The following KCNT2 variants were observed in gnomAD, a reference collection of about 807,000 sequenced individuals.
KCNT2 encodes potassium sodium-activated channel subfamily T member 2, also known as potassium channel subfamily T member 2.
In KCNT2, 67 loss-of-function variants were observed where a neutral mutation model predicts 153.8. That is an observed-to-expected ratio of 0.44 (90% CI 0.36 to 0.53). The LOEUF (loss-of-function observed/expected upper bound fraction) is 0.53. Among genes scored for constraint, KCNT2 ranks in the 20% least tolerant of loss-of-function variants. The pLI is 0.00. For synonymous variants in KCNT2, 500 were observed against 458.8 expected (o/e 1.09, Z -1.15); for missense variants, 975 against 1,354.8 (o/e 0.72, Z 4.40).
intron 8 of KCNT2, among the ~76,000 whole-genome samples, chr1:196,439,299 A>C (rs1375237959): frequency 6.6e-6 from 1 of 152,000 alleles, no homozygotes; most frequent in Non-Finnish European, 1.5e-5. Flanking sequence ...TGTTTAAATT[A>C]TGAATACTAT....
chr1:196,373,007 T>C (rs1668661680), intron 14 of KCNT2, 133 bp downstream of exon 14: 1 of 528,806 alleles, frequency 1.9e-6, no homozygotes, highest in South Asian at 3.0e-5. Flanking sequence ...CAGATAAAGA[T>C]AACTCACACA....
At chr1:196,452,082 G>T (rs973377126) in intron 8 of KCNT2, among the ~76,000 whole-genome samples, 2 of 151,924 alleles carry the variant, frequency 1.3e-5, no homozygotes, top group Non-Finnish European at 1.5e-5. Context: ...AGACTTAAGA[G>T]ATCCCTCTAT....
At chr1:196,515,207 G>A (rs1040060902) in intron 1 of KCNT2, among the ~76,000 whole-genome samples, 1 of 152,256 alleles carries the variant, frequency 6.6e-6, no homozygotes, top group Non-Finnish European at 1.5e-5. Context: ...ATGGTTATGG[G>A]AATAACTACA....
At chr1:196,535,858 T>C (rs1390823419) in intron 1 of KCNT2, among the ~76,000 whole-genome samples, 1 of 152,260 alleles carries the variant, frequency 6.6e-6, no homozygotes, top group Non-Finnish European at 1.5e-5. Flanking sequence ...TCATCTAATG[T>C]GCCACACATG....
chr1:196,503,202 C>T lies in KCNT2; in HGVS notation c.96-10861G>A, dbSNP rs576253904. On this transcript the variant is annotated intron_variant, in intron 1 of 27. Coordinates refer to ENST00000294725, the MANE Select transcript of KCNT2 (RefSeq NM_198503.5). ...AGAGCAGATGCTCCTAAATTATTTC[C>T]ACGTTTTTCTTCTTACCCCACCTCC... is the stretch of plus-strand genomic sequence containing the variant. Among the ~76,000 whole-genome samples, 75 of 151,882 alleles carry T rather than the reference C, an allele frequency of 4.9e-4. No individual in the cohort carries two copies. The Middle Eastern group carries it at 0.01, about 21-fold the overall frequency.
Position 196,398,689 on chromosome 1 carries a change from A to T in KCNT2, c.1186-18T>A, listed in dbSNP as rs759685508. 1 of 1,237,694 alleles carries T rather than the reference A, an allele frequency of 8.1e-7. No homozygotes were observed. The highest frequency in any genetic ancestry group is 2.4e-5 in the East Asian group (1 of 42,520). The allele number at this position is 1,237,694 out of a possible 1,614,324, so 76.7% of individuals were successfully genotyped here. A position where few individuals can be genotyped will look rare whatever the true frequency, so the allele number is the denominator to read the frequency against. On this transcript the variant is annotated intron_variant, in intron 12 of 27. Coordinates refer to ENST00000294725, the MANE Select transcript of KCNT2 (RefSeq NM_198503.5). ...TGGTGATCCTGAAGTGATCAAAATAAAAACATCATAGCATAAGTTACAATG... is the reference window on the plus strand; with the variant it reads ...TGGTGATCCTGAAGTGATCAAAATATAAACATCATAGCATAAGTTACAATG...
intron 1 of KCNT2, among the ~76,000 whole-genome samples, chr1:196,512,392 A>G (rs1005304200): frequency 6.6e-6 from 1 of 152,122 alleles, no homozygotes; most frequent in African/African-American, 2.4e-5. Flanking sequence ...TCTACTCAAT[A>G]TTTCTACTTG....
chr1:196,301,739 T>G (rs1046492078), intron 22 of KCNT2, among the ~76,000 whole-genome samples: 3 of 152,024 alleles, frequency 2.0e-5, no homozygotes, highest in African/African-American at 7.2e-5. Context: ...TATTTCTGAT[T>G]TATTTATTTA....
At position 196,451,305 on chromosome 1, in the gene KCNT2, A is replaced by G. The variant is rs150392065; in HGVS notation, c.638+13988T>C. On this transcript the variant is annotated intron_variant, in intron 8 of 27. Transcript: ENST00000294725. The stretch of plus-strand genomic sequence containing the variant: ...TTGCCCAGGCTGGAGTACAGACACA[A>G]TCTCAGCTCACTGCAACCTGTGAAT... Among the ~76,000 whole-genome samples the G allele has an allele frequency of 2.5e-3, 342 of 138,034 alleles. 3 individuals are homozygous for G. The highest frequency in any genetic ancestry group is 8.9e-3 in the African/African-American group (334 of 37,398). The allele number at this position is 138,034 out of a possible 152,430, so 90.6% of individuals were successfully genotyped here. A position where few individuals can be genotyped will look rare whatever the true frequency, so the allele number is the denominator to read the frequency against.
intron 16 of KCNT2, among the ~76,000 whole-genome samples, chr1:196,339,221 G>C (rs1454932973): frequency 6.6e-6 from 1 of 151,988 alleles, no homozygotes; most frequent in African/African-American, 2.4e-5. Flanking sequence ...CAGAAAAAAA[G>C]GCATTAGAGT....
At chr1:196,348,633 G>A (rs1666341175) in intron 14 of KCNT2, among the ~76,000 whole-genome samples, 1 of 151,700 alleles carries the variant, frequency 6.6e-6, no homozygotes, top group Non-Finnish European at 1.5e-5. Flanking sequence ...TAATGATCTC[G>A]GATTTTAAAA....
At chr1:196,460,837 T>C (rs1333701395) in intron 8 of KCNT2, among the ~76,000 whole-genome samples, 1 of 151,740 alleles carries the variant, frequency 6.6e-6, no homozygotes, top group Non-Finnish European at 1.5e-5. Context: ...CATTTTGTAT[T>C]AAATTTTATT....
At chr1:196,350,456 A>C (rs1355838511) in intron 14 of KCNT2, among the ~76,000 whole-genome samples, 1 of 152,166 alleles carries the variant, frequency 6.6e-6, no homozygotes, top group Non-Finnish European at 1.5e-5. Context: ...TCTGATGGCC[A>C]GTGATGATGA....
chr1:196,398,097 T>C (rs1276851539), intron 13 of KCNT2, among the ~76,000 whole-genome samples: 2 of 151,532 alleles, frequency 1.3e-5, no homozygotes, highest in African/African-American at 4.8e-5. Context: ...TTTCAAAGTC[T>C]ATTCCCTAAA....
At chr1:196,397,314 G>A (rs1671026975) in intron 13 of KCNT2, among the ~76,000 whole-genome samples, 1 of 151,366 alleles carries the variant, frequency 6.6e-6, no homozygotes, top group Non-Finnish European at 1.5e-5. Context: ...AGATAGCCTA[G>A]TTACAAAGGT....
chr1:196,281,032 T>TA, intron 24 of KCNT2, 44 bp from the exon 25 acceptor site: 1 of 1,480,432 alleles, frequency 6.8e-7, no homozygotes, highest in Non-Finnish European at 9.4e-7. Context: ...GTGTCAGAAA[T>TA]AAAAACCTAG....
intron 10 of KCNT2, among the ~76,000 whole-genome samples, chr1:196,427,195 T>A (rs1294029490): frequency 6.6e-6 from 1 of 152,002 alleles, no homozygotes; most frequent in South Asian, 2.1e-4. Context: ...AGTTAACATA[T>A]GAAAACAAAA....
chr1:196,312,230 T>C (rs1298873427), intron 21 of KCNT2, among the ~76,000 whole-genome samples: 1 of 151,418 alleles, frequency 6.6e-6, no homozygotes, highest in Admixed American at 6.6e-5. Flanking sequence ...AGAAATACTG[T>C]GTAGGGAGGC....
chr1:196,461,976 A>G (rs183078531), intron 8 of KCNT2, among the ~76,000 whole-genome samples: 16 of 151,802 alleles, frequency 1.1e-4, no homozygotes, highest in African/African-American at 3.1e-4. Context: ...CCTGAACAAT[A>G]TAGCCAATTT....
Sources: gnomAD v4.1 joint callset for allele counts (sites outside exome capture counted in the v4.1 genomes callset) on GRCh38, gnomAD v4.1.1 for gene constraint, MANE v1.5 for transcripts, NCBI Gene and HGNC (gene_info 2026-07-23, HGNC 2026-07-21) for gene names.